Variants in CCDC93 observed in about 807,000 individuals in gnomAD.
CCDC93 encodes CCC complex scaffolding subunit CCDC93, also known as coiled-coil domain-containing protein 93.
Under a neutral mutation model 108.2 loss-of-function variants are expected in CCDC93, and 61 were observed. The ratio of observed to expected loss-of-function variants is 0.56; its 90% CI spans 0.46 to 0.70. The LOEUF (loss-of-function observed/expected upper bound fraction) is 0.70, where lower values mean the gene tolerates loss of function less well. Ranked by LOEUF, CCDC93 falls within the 30% of genes least tolerant of loss-of-function variation. CCDC93 has a pLI of 0.00. For synonymous variants in CCDC93, 276 were observed against 260.4 expected, an observed-to-expected ratio of 1.06 and a Z score of -0.58; for missense variants, 685 against 764.2, an observed-to-expected ratio of 0.90 and a Z score of 1.22.
intron 6 of CCDC93, among the ~76,000 whole-genome samples, chr2:117,988,351 C>T (rs1041064638): frequency 6.6e-6 from 1 of 152,140 alleles, no homozygotes; most frequent in Admixed American, 6.6e-5. Flanking sequence ...CAGCACAGTA[C>T]CATGGCAGTG....
At chr2:117,956,997 T>TCTC (rs748999916) in intron 12 of CCDC93, among the ~76,000 whole-genome samples, 7 of 151,954 alleles carry the variant, frequency 4.6e-5, no homozygotes, top group Non-Finnish European at 8.8e-5. Context: ...TTCAAGCAAT[T>TCTC]CTCCTGCCTC....
In CCDC93 at chr2:118,001,594, C is replaced by G. The variant is rs184472589; in HGVS notation, c.252-662G>C. On this transcript the variant is annotated intron_variant, in intron 3 of 23. Transcript: ENST00000376300. ...TCTTATAAGGGACACCGACCTTTCTCTAACACCTCGCCTCAGTCTTCCTCC... is the reference window on the plus strand; with the variant it reads ...TCTTATAAGGGACACCGACCTTTCTGTAACACCTCGCCTCAGTCTTCCTCC... Among the ~76,000 whole-genome samples, 466 of 152,352 alleles carry G rather than the reference C, an allele frequency of 3.1e-3. 1 individual carries two copies. Among genetic ancestry groups the G allele is most frequent in the African/African-American group, 0.01 (436 of 41,578 alleles).
intron 6 of CCDC93, among the ~76,000 whole-genome samples, chr2:117,988,493 C>T (rs1347958769): frequency 6.6e-6 from 1 of 152,238 alleles, no homozygotes; most frequent in Non-Finnish European, 1.5e-5. Flanking sequence ...TGGGCCAGCC[C>T]ATGCCCAACT....
chr2:118,005,271 GA>G (rs1676832440), intron 3 of CCDC93, among the ~76,000 whole-genome samples: 1 of 152,056 alleles, frequency 6.6e-6, no homozygotes, highest in Non-Finnish European at 1.5e-5. Flanking sequence ...ACGACCACTG[GA>G]AAACTCAAGG....
chr2:117,973,040 C>A (rs1439138223), intron 11 of CCDC93, among the ~76,000 whole-genome samples: 3 of 152,138 alleles, frequency 2.0e-5, no homozygotes, highest in Non-Finnish European at 4.4e-5. Context: ...CCACGGATGG[C>A]AGCACTAGGC....
At chr2:117,946,414 T>G (rs1385130683) in intron 16 of CCDC93, among the ~76,000 whole-genome samples, 1 of 152,212 alleles carries the variant, frequency 6.6e-6, no homozygotes, top group Non-Finnish European at 1.5e-5. Flanking sequence ...TCCTTCTTCA[T>G]GTTTGTTGCT....
chr2:117,962,985 CA>C (rs1485617906), intron 11 of CCDC93, among the ~76,000 whole-genome samples: 2 of 152,090 alleles, frequency 1.3e-5, no homozygotes, highest in Admixed American at 6.6e-5. Flanking sequence ...TACTTTGGGG[CA>C]AAAAACCCAT....
At chr2:117,940,434 G>A (rs1435638419) in intron 19 of CCDC93, among the ~76,000 whole-genome samples, 1 of 152,186 alleles carries the variant, frequency 6.6e-6, no homozygotes, top group Non-Finnish European at 1.5e-5. Context: ...GGCAGTGTGT[G>A]GACTGGCAAG....
At chr2:117,958,143 T>C (rs926365693) in intron 12 of CCDC93, among the ~76,000 whole-genome samples, 11 of 152,336 alleles carry the variant, frequency 7.2e-5, no homozygotes, top group Admixed American at 6.5e-4. Flanking sequence ...GTAGGTCTTA[T>C]GGTCTTCTGC....
At chr2:117,955,949 A>G (rs1655173411) in intron 12 of CCDC93, among the ~76,000 whole-genome samples, 2 of 152,194 alleles carry the variant, frequency 1.3e-5, no homozygotes, top group South Asian at 4.1e-4. Flanking sequence ...ATCTTTATAT[A>G]CTTCTATACT....
chr2:117,977,087 C>T (rs1478428158), intron 8 of CCDC93, among the ~76,000 whole-genome samples: 3 of 152,106 alleles, frequency 2.0e-5, no homozygotes, highest in African/African-American at 7.2e-5. Context: ...AGGCGCCCAC[C>T]ACCACTCCCG....
In CCDC93 at chr2:118,013,477, G is replaced by A. The variant is rs1573539738; in HGVS notation, c.42+477C>T. ...TTCCCTCCCGACAGCAAGGCGGGTG[G>A]GGCGGGCCGCCGGGACTCTGCGGGG... On this transcript the variant is annotated intron_variant, in intron 1 of 23. Transcript: ENST00000376300. Among the ~76,000 whole-genome samples, 3 of 152,140 alleles carry A rather than the reference G, an allele frequency of 2.0e-5. No individual in the cohort carries two copies. The East Asian group carries it at 5.9e-4, about 30-fold the overall frequency.
At chr2:117,951,738 C>T in intron 13 of CCDC93, 2 of 977,626 alleles carry the variant, frequency 2.0e-6, no homozygotes, top group African/African-American at 1.8e-5. Flanking sequence ...CTACACACTG[C>T]TCATGACAGA....
chr2:117,958,563 C>A, intron 11 of CCDC93, 82 bp from the exon 12 acceptor site: 1 of 836,014 alleles, frequency 1.2e-6, no homozygotes. Context: ...TCAATGTGGG[C>A]AAAGCAGTAC....
intron 23 of CCDC93, among the ~76,000 whole-genome samples, chr2:117,926,479 T>C (rs1678105162): frequency 6.6e-6 from 1 of 152,158 alleles, no homozygotes; most frequent in African/African-American, 2.4e-5. Context: ...CATCAGAGAA[T>C]ACTATAAACA....
At position 117,917,140 on chromosome 2, in the gene CCDC93, G is replaced by GATC. The variant is rs10653486; in HGVS notation, c.*3200_*3202dup. The GATC allele has an allele frequency of 0.61, 92,434 of 152,176 alleles. 28,698 individuals are homozygous for GATC. Among genetic ancestry groups the GATC allele is most frequent in the African/African-American group, 0.72 (29,666 of 41,380 alleles). 9.4% of individuals were successfully genotyped at this position (152,176 alleles called of 1,614,324 possible). A position where few individuals can be genotyped will look rare whatever the true frequency, so the allele number is the denominator to read the frequency against. On this transcript the variant is annotated 3_prime_UTR_variant, in exon 24 of 24. Coordinates refer to ENST00000376300, the MANE Select transcript of CCDC93 (RefSeq NM_019044.5). ...TAGATACCTACCTCCCTTTTAGGGT[G>GATC]ATCAGTCACCTACAGAGTGGGCAAA... is the stretch of plus-strand genomic sequence containing the variant.
intron 20 of CCDC93, chr2:117,937,024 GAGAGGACACTAAGC>G (rs1678547955): frequency 2.3e-6 from 1 of 437,362 alleles, no homozygotes. Context: ...GATCCCAGCT[GAGAGGACACTAAGC>G]TAACACTAGG....
At chr2:117,950,147 A>C in intron 13 of CCDC93, 2 of 985,424 alleles carry the variant, frequency 2.0e-6, no homozygotes, top group Non-Finnish European at 2.4e-6. Flanking sequence ...TAAACACAGG[A>C]AGTGGGCTGC....
intron 23 of CCDC93, chr2:117,921,935 G>T (rs910960013): frequency 1.3e-5 from 2 of 151,838 alleles, no homozygotes; most frequent in African/African-American, 4.8e-5. Flanking sequence ...CAGGGCAGTG[G>T]GGGGACAGAA....
Sources: gnomAD v4.1 joint callset for allele counts (sites outside exome capture counted in the v4.1 genomes callset) on GRCh38, gnomAD v4.1.1 for gene constraint, MANE v1.5 for transcripts, NCBI Gene and HGNC (gene_info 2026-07-23, HGNC 2026-07-21) for gene names.